ZNF670: variants seen among roughly 807,000 people sequenced by gnomAD.
ZNF670 encodes zinc finger protein 670.
ZNF670 carries 7 observed loss-of-function variants against 10.9 expected under a neutral mutation model. That is an observed-to-expected ratio of 0.64 (90% CI 0.36 to 1.20). The LOEUF (loss-of-function observed/expected upper bound fraction) is 1.20. Ranked by LOEUF, ZNF670 falls within the 50% of genes most tolerant of loss-of-function variation. The pLI, the probability that ZNF670 is intolerant of heterozygous loss-of-function variation, is 0.02. For synonymous variants in ZNF670, 136 were observed against 152.7 expected (o/e 0.89, Z 0.81); for missense variants, 446 against 458.6 (o/e 0.97, Z 0.25).
rs35582452 is a variant in ZNF670, at chr1:247,068,829, CAAAAAAAA to C, written c.3+9757_3+9764del. Among the ~76,000 whole-genome samples the C allele has an allele frequency of 5.9e-3, 504 of 85,608 alleles. 18 individuals are homozygous for C. Among genetic ancestry groups the C allele is most frequent in the Admixed American group, 0.054 (426 of 7,818 alleles). 56.2% of individuals were successfully genotyped at this position (85,608 alleles called of 152,430 possible). ...TACACACACTGGGGTACTATTTTGC[CAAAAAAAA>C]AAAAAAAAAAAAGAATGAGATCCAG... On this transcript the variant is annotated intron_variant, in intron 1 of 3. Transcript: ENST00000366503.
At chr1:247,052,113 T>A (rs1262374942) in intron 1 of ZNF670, among the ~76,000 whole-genome samples, 3 of 152,166 alleles carry the variant, frequency 2.0e-5, no homozygotes, top group Non-Finnish European at 4.4e-5. Flanking sequence ...TCTTCTTAGT[T>A]TGCATCCACT....
Position 247,035,503 on chromosome 1 carries a change from T to C in ZNF670, c.*1946A>G, listed in dbSNP as rs1670128618. Reference sequence around the variant, plus strand: ...TGGAATGGTAGGCAACTGAAATATGTTAGGCTACAGACTGATAAGATCAAA... The same window carrying C: ...TGGAATGGTAGGCAACTGAAATATGCTAGGCTACAGACTGATAAGATCAAA... On this transcript the variant is annotated 3_prime_UTR_variant, in exon 4 of 4. Transcript: ENST00000366503. Among the ~76,000 whole-genome samples, 1 of 152,220 alleles carries C rather than the reference T, an allele frequency of 6.6e-6. No individual in the cohort carries two copies.
rs200948439 is a variant in ZNF670 at position 247,071,935 on chromosome 1, G to A, written c.3+6659C>T. ...TGCAGTGGTGCAATCTCGGCTCACT[G>A]CAAGCTCCGCCTCCCAGGTTCATGC... On this transcript the variant is annotated intron_variant, in intron 1 of 3. Transcript: ENST00000366503. Among the ~76,000 whole-genome samples the A allele has an allele frequency of 4.0e-5, 6 of 149,978 alleles. No homozygotes were observed. The East Asian group carries it at 1.2e-3, about 29-fold the overall frequency.
At chr1:247,066,791 T>C (rs1463681185) in intron 1 of ZNF670, among the ~76,000 whole-genome samples, 1 of 152,200 alleles carries the variant, frequency 6.6e-6, no homozygotes, top group Non-Finnish European at 1.5e-5. Flanking sequence ...ATCTATTCTT[T>C]CTGAAGCCTG....
rs191089601 is a variant in ZNF670 at position 247,038,801 on chromosome 1, G to A, written c.191+9C>T. ...AAGGGGCATTTTTGCTCTTGTGAATGCAAATTACCTTAGATTTCTCCCAGG... is the reference window on the plus strand; with the variant it reads ...AAGGGGCATTTTTGCTCTTGTGAATACAAATTACCTTAGATTTCTCCCAGG... On this transcript the variant is annotated intron_variant, in intron 3 of 3. Coordinates refer to ENST00000366503, the MANE Select transcript of ZNF670 (RefSeq NM_033213.5). 8.9e-5 allele frequency: 143 copies of A among 1,608,876 alleles called. 1 individual carries two copies. The African/African-American group carries it at 1.8e-3, about 20-fold the overall frequency.
intron 1 of ZNF670, among the ~76,000 whole-genome samples, chr1:247,040,223 G>A (rs752912122): frequency 1.6e-4 from 24 of 152,128 alleles, no homozygotes; most frequent in South Asian, 2.1e-4. Flanking sequence ...AGGCATCAAC[G>A]TGATTATAAT....
chr1:247,062,027 G>A (rs1414992915), intron 1 of ZNF670, among the ~76,000 whole-genome samples: 1 of 152,152 alleles, frequency 6.6e-6, no homozygotes, highest in Non-Finnish European at 1.5e-5. Flanking sequence ...TCATATTTGA[G>A]TACTCTAGGG....
chr1:247,059,260 T>A (rs962346367), intron 1 of ZNF670, among the ~76,000 whole-genome samples: 2 of 151,314 alleles, frequency 1.3e-5, no homozygotes, highest in East Asian at 3.9e-4. Context: ...GCTAACACGG[T>A]GAAACCCTGT....
chr1:247,071,614 CTAAAA>C (rs760330326), intron 1 of ZNF670, among the ~76,000 whole-genome samples: 2 of 152,054 alleles, frequency 1.3e-5, no homozygotes, highest in African/African-American at 4.8e-5. Flanking sequence ...GCCTCTAAAC[CTAAAA>C]TAAAAGTTGA....
At chr1:247,067,435 C>CCAAAAAAAAA (rs1487488030) in intron 1 of ZNF670, among the ~76,000 whole-genome samples, 1 of 77,252 alleles carries the variant, frequency 1.3e-5, no homozygotes. Flanking sequence ...GATCCCGTCT[C>CCAAAAAAAAA]AAAAAAAAAA....
chr1:247,058,578 T>C (rs1411011268), intron 1 of ZNF670, among the ~76,000 whole-genome samples: 1 of 151,878 alleles, frequency 6.6e-6, no homozygotes, highest in Non-Finnish European at 1.5e-5. Context: ...AATAACAAAA[T>C]CTGGTTCTCC....
At position 247,072,798 on chromosome 1, in the gene ZNF670, GTGTGTGTATATATATATA is replaced by G. The variant is rs1374046083; in HGVS notation, c.3+5778_3+5795del. On this transcript the variant is annotated intron_variant, in intron 1 of 3. Transcript: ENST00000366503. ...ACGAAACTCTGTCTCAAAAAAAAAA[GTGTGTGTATATATATATA>G]TATATATATATATATATATATATGC... 5.8e-3 allele frequency among the ~76,000 whole-genome samples: 110 copies of G among 19,054 alleles called. 7 individuals are homozygous for G. Among genetic ancestry groups the G allele is most frequent in the Middle Eastern group, 0.029 (1 of 34 alleles). 12.5% of individuals were successfully genotyped at this position (19,054 alleles called of 152,430 possible). A position where few individuals can be genotyped will look rare whatever the true frequency, so the allele number is the denominator to read the frequency against.
intron 1 of ZNF670, among the ~76,000 whole-genome samples, chr1:247,078,211 C>T (rs1210900339): frequency 1.3e-5 from 2 of 152,196 alleles, no homozygotes; most frequent in East Asian, 3.8e-4. Context: ...ATTTTAACGG[C>T]GCCTCAGTTT....
intron 1 of ZNF670, among the ~76,000 whole-genome samples, chr1:247,066,696 T>G (rs920175593): frequency 1.3e-5 from 2 of 152,216 alleles, no homozygotes; most frequent in African/African-American, 2.4e-5. Flanking sequence ...AGCTTCTTTA[T>G]ACCCTCCTCA....
chr1:247,075,547 T>C (rs755508992), intron 1 of ZNF670, among the ~76,000 whole-genome samples: 42 of 152,198 alleles, frequency 2.8e-4, no homozygotes, highest in Non-Finnish European at 4.0e-4. Flanking sequence ...AATTGAATCA[T>C]GGGGGCAGGT....
chr1:247,039,685 C>T (rs1231799805), intron 1 of ZNF670, 148 bp from the exon 2 acceptor site: 1 of 856,008 alleles, frequency 1.2e-6, no homozygotes, highest in Admixed American at 4.2e-5. Context: ...TCTCTGTCTG[C>T]ACTTACTGCT....
intron 1 of ZNF670, among the ~76,000 whole-genome samples, chr1:247,045,232 C>A (rs7549699): frequency 1.6e-4 from 24 of 152,090 alleles, no homozygotes; most frequent in African/African-American, 5.8e-4. Context: ...GCTTAGGGAT[C>A]CCCAGTAATT....
chr1:247,066,669 G>A (rs1301069754), intron 1 of ZNF670, among the ~76,000 whole-genome samples: 1 of 152,156 alleles, frequency 6.6e-6, no homozygotes, highest in Non-Finnish European at 1.5e-5. Flanking sequence ...GCCACGATGG[G>A]AAGAGGGAGT....
At position 247,036,850 on chromosome 1, in the gene ZNF670, T is replaced by G. The variant is rs2103049605; in HGVS notation, c.*599A>C. 1 of 135,326 alleles carries G rather than the reference T, an allele frequency of 7.4e-6. No individual in the cohort carries two copies. The highest frequency in any genetic ancestry group is 3.9e-3 in the Middle Eastern group (1 of 256). The allele number at this position is 135,326 out of a possible 1,614,324, so 8.4% of individuals were successfully genotyped here. A position where few individuals can be genotyped will look rare whatever the true frequency, so the allele number is the denominator to read the frequency against. ...GAAAATCTTTACAACAAAAAAGTAG[T>G]TTTCCCATAAAAAGGTAGAATACAC... On this transcript the variant is annotated 3_prime_UTR_variant, in exon 4 of 4. Coordinates refer to ENST00000366503, the MANE Select transcript of ZNF670 (RefSeq NM_033213.5).
Sources: allele counts gnomAD v4.1 joint callset (sites outside exome capture counted in the v4.1 genomes callset), GRCh38; gene constraint gnomAD v4.1.1; transcripts MANE v1.5; gene names NCBI Gene and HGNC (gene_info 2026-07-23, HGNC 2026-07-21).